Variants in VCL observed in about 807,000 individuals in gnomAD.
VCL encodes the protein epididymis luminal protein 114.
In VCL, 47 loss-of-function variants were observed where a neutral mutation model predicts 125.7. The ratio of observed to expected loss-of-function variants is 0.37; its 90% CI spans 0.30 to 0.48. The LOEUF (loss-of-function observed/expected upper bound fraction) is 0.48. Ranked by LOEUF, VCL falls within the 20% of genes least tolerant of loss-of-function variation. VCL has a pLI of 0.99. For missense variants in VCL, 1,069 were observed against 1,455.5 expected, an observed-to-expected ratio of 0.73 and a Z score of 4.32; for synonymous variants, 458 against 514.6, an observed-to-expected ratio of 0.89 and a Z score of 1.49.
chr10:74,105,311 G>A lies in VCL; in HGVS notation c.2392G>A (p.Val798Met). ...DELSKTISPM[V>M]MDAKAVAGNI... ...ATTGAGCAAAACCATCTCCCCGATG[G>A]TGATGGATGCAAAAGCTGTGGCTGG... Residue 798 changes from valine to methionine, a missense_variant, in exon 16 of 22, where the codon GTG becomes ATG. This residue lies in a region of VCL where 760 missense variants were observed against 928.9 expected (regional missense o/e 0.82). Transcript: ENST00000211998. 4.3e-6 allele frequency: 7 copies of A among 1,612,786 alleles called. No homozygotes were observed. Among genetic ancestry groups the A allele is most frequent in the Non-Finnish European group, 5.1e-6 (6 of 1,179,956 alleles).
At chr10:73,999,803 A>G (rs996909369) in intron 1 of VCL, among the ~76,000 whole-genome samples, 1 of 152,224 alleles carries the variant, frequency 6.6e-6, no homozygotes, top group Admixed American at 6.5e-5. Flanking sequence ...CTATTCATTC[A>G]GTAAGAATGC....
chr10:74,065,455 T>C (rs937086168), intron 2 of VCL, among the ~76,000 whole-genome samples: 15 of 152,082 alleles, frequency 9.9e-5, no homozygotes, highest in African/African-American at 3.6e-4. Context: ...TTTAGGAGTC[T>C]GACATGGATG....
intron 6 of VCL, 83 bp from the exon 7 acceptor site, chr10:74,082,371 C>A: frequency 6.8e-7 from 1 of 1,467,668 alleles, no homozygotes; most frequent in Non-Finnish European, 9.5e-7. Context: ...TATGTTAATG[C>A]TGTAACTTCT....
At chr10:74,099,128 A>G (rs1053726313) in intron 13 of VCL, among the ~76,000 whole-genome samples, 3 of 152,190 alleles carry the variant, frequency 2.0e-5, no homozygotes, top group African/African-American at 7.2e-5. Context: ...TAGGCCATCA[A>G]TCAAATAAAA....
intron 2 of VCL, 24 bp from the exon 3 acceptor site, chr10:74,070,646 G>T (rs746874425): frequency 1.2e-6 from 2 of 1,613,866 alleles, no homozygotes; most frequent in East Asian, 4.5e-5. Context: ...CTGCCGGTGT[G>T]TTAACCTGTG....
intron 2 of VCL, among the ~76,000 whole-genome samples, chr10:74,053,767 T>C (rs773104920): frequency 5.3e-5 from 8 of 151,948 alleles, no homozygotes; most frequent in Non-Finnish European, 1.2e-4. Flanking sequence ...CCCGCCACCA[T>C]GCCTGGCTAA....
In VCL at chr10:74,090,187, T is replaced by C. The variant is rs1474836396; in HGVS notation, c.1341T>C (p.Asp447=). ...CTGCTCTGACTTCTAAATTAGCAGA[T>C]CTACGAAGACAGTATGTATTTAACC... The part of the protein sequence containing the change: ...EISALTSKLA[D]LRRQGKGDSP... Residue 447 remains aspartate, a synonymous_variant, in exon 10 of 22, where the codon GAT becomes GAC. Coordinates refer to ENST00000211998, the MANE Select transcript of VCL (RefSeq NM_014000.3). 9.3e-6 allele frequency: 15 copies of C among 1,614,224 alleles called. No individual in the cohort carries two copies. Among genetic ancestry groups the C allele is most frequent in the Non-Finnish European group, 1.2e-5 (14 of 1,180,030 alleles).
chr10:73,998,577 A>G (rs1215946558), intron 1 of VCL, among the ~76,000 whole-genome samples: 1 of 152,186 alleles, frequency 6.6e-6, no homozygotes, highest in Non-Finnish European at 1.5e-5. Flanking sequence ...CAGTGTCCTC[A>G]TCTATAAAAT....
chr10:74,108,409 C>T (rs2131932808), intron 17 of VCL, among the ~76,000 whole-genome samples: 1 of 152,154 alleles, frequency 6.6e-6, no homozygotes, highest in African/African-American at 2.4e-5. Flanking sequence ...TTTGAGAATC[C>T]TTCATCTGGT....
At chr10:74,073,297 A>G (rs1839518610) in intron 5 of VCL, among the ~76,000 whole-genome samples, 1 of 151,998 alleles carries the variant, frequency 6.6e-6, no homozygotes, top group African/African-American at 2.4e-5. Flanking sequence ...TAAAAATGAG[A>G]CCCGATTGAT....
intron 1 of VCL, among the ~76,000 whole-genome samples, chr10:74,028,637 T>A (rs1840817589): frequency 6.6e-6 from 1 of 152,146 alleles, no homozygotes; most frequent in Non-Finnish European, 1.5e-5. Context: ...CCTCAGGTGA[T>A]CCACTCACCT....
At chr10:74,030,812 T>C (rs968738037) in intron 1 of VCL, among the ~76,000 whole-genome samples, 1 of 152,230 alleles carries the variant, frequency 6.6e-6, no homozygotes, top group African/African-American at 2.4e-5. Context: ...TGTTCCATTA[T>C]TGGAACGCTA....
rs1841610159 is a variant in VCL, at chr10:74,068,470, C to T, written c.240-2200C>T. On this transcript the variant is annotated intron_variant, in intron 2 of 21. Coordinates refer to ENST00000211998, the MANE Select transcript of VCL (RefSeq NM_014000.3). ...CTCCCCAGTAGCTGGGATTACAGGCCCCTGCCACCATGCCTGGCTAATTTT... is the reference window on the plus strand; with the variant it reads ...CTCCCCAGTAGCTGGGATTACAGGCTCCTGCCACCATGCCTGGCTAATTTT... Among the ~76,000 whole-genome samples, 3 of 151,848 alleles carry T rather than the reference C, an allele frequency of 2.0e-5. No homozygotes were observed. In the South Asian group the frequency reaches 6.2e-4, roughly 32 times the overall value.
At chr10:74,027,881 T>C (rs563028754) in intron 1 of VCL, 18 of 152,198 alleles carry the variant, frequency 1.2e-4, no homozygotes, top group Non-Finnish European at 1.8e-4. Flanking sequence ...CCAGTCACCA[T>C]GTGTCATGGC....
At position 74,072,824 on chromosome 10, in the gene VCL, GA is replaced by G. The variant is rs777492997; in HGVS notation, c.597del (p.Glu200SerfsTer10). 15 of 1,614,118 alleles carry G rather than the reference GA, an allele frequency of 9.3e-6. No individual in the cohort carries two copies. The highest frequency in any genetic ancestry group is 1.2e-5 in the Non-Finnish European group (14 of 1,179,984). The stretch of plus-strand genomic sequence containing the variant: ...TGTTGGTGAACTCGATGAACACCGT[GA>G]AAGAGTTGCTGCCAGTTCTCATTTC... The part of the protein sequence containing the change: ...VMLVNSMNTV[K>X]ELLPVLISAM... On this transcript the variant is annotated frameshift_variant, in exon 5 of 22. Coordinates refer to ENST00000211998, the MANE Select transcript of VCL (RefSeq NM_014000.3). LOFTEE classifies it high-confidence loss of function.
Position 74,027,315 on chromosome 10 carries a change from A to ATTT in VCL, c.169-15757_169-15755dup, listed in dbSNP as rs368271046. Among the ~76,000 whole-genome samples, 660 of 145,052 alleles carry ATTT rather than the reference A, an allele frequency of 4.6e-3. 4 individuals are homozygous for ATTT. The highest frequency in any genetic ancestry group is 0.012 in the African/African-American group (460 of 39,282). Reference sequence around the variant, plus strand: ...CTTTCCGTTTTAAATATATTTACCCATTTTTTTTTTTTTGTAATGACATGT... The same window carrying ATTT: ...CTTTCCGTTTTAAATATATTTACCCATTTTTTTTTTTTTTTTGTAATGACATGT... On this transcript the variant is annotated intron_variant, in intron 1 of 21. Transcript: ENST00000211998.
In VCL at chr10:74,114,241, C is replaced by A; in HGVS notation, c.3007C>A (p.Arg1003=). 6.2e-7 allele frequency: 1 copy of A among 1,614,018 alleles called. No individual in the cohort carries two copies. The highest frequency in any genetic ancestry group is 1.7e-4 in the Middle Eastern group (1 of 6,024). ...GGCTCTGCTGATGGCTGAGATGTCT[C>A]GGCTGGTAAGAGGGGGCAGTGGTAC... ...RMALLMAEMS[R]LVRGGSGTKR... The change falls in exon 20 of 22, where the codon CGG becomes AGG. Residue 1003 remains arginine (R), a synonymous_variant. Transcript: ENST00000211998.
chr10:74,014,242 T>C (rs1428703904), intron 1 of VCL, among the ~76,000 whole-genome samples: 9 of 152,156 alleles, frequency 5.9e-5, no homozygotes, highest in African/African-American at 7.2e-5. Context: ...TTTTCTGTTC[T>C]TTTTTTGGAG....
chr10:74,032,964 T>C (rs534142487), intron 1 of VCL, among the ~76,000 whole-genome samples: 5 of 152,192 alleles, frequency 3.3e-5, no homozygotes, highest in South Asian at 2.1e-4. Flanking sequence ...CTTTGGAAAA[T>C]AGTCTGGCAT....
Sources: allele counts gnomAD v4.1 joint callset (sites outside exome capture counted in the v4.1 genomes callset), GRCh38; gene constraint gnomAD v4.1.1; regional missense constraint gnomAD v4.1.1; transcripts MANE v1.5; gene names NCBI Gene and HGNC (gene_info 2026-07-23, HGNC 2026-07-21).